The following AASDHPPT variants were observed in gnomAD, a reference collection of about 807,000 sequenced individuals.
The protein encoded by AASDHPPT is L-aminoadipate-semialdehyde dehydrogenase-phosphopantetheinyl transferase.
Under a neutral mutation model 36.4 loss-of-function variants are expected in AASDHPPT, and 23 were observed. That is an observed-to-expected ratio of 0.63 (90% confidence interval 0.45 to 0.89). The LOEUF (loss-of-function observed/expected upper bound fraction) is 0.89. Ranked by LOEUF, AASDHPPT falls within the 40% of genes least tolerant of loss-of-function variation. AASDHPPT has a pLI of 0.00. For missense variants in AASDHPPT, 377 were observed against 378.2 expected, an observed-to-expected ratio of 1.00 and a Z score of 0.03; for synonymous variants, 115 against 128.0, an observed-to-expected ratio of 0.90 and a Z score of 0.68.
At chr11:106,095,736 T>A (rs1861305834) in intron 5 of AASDHPPT, 2 of 152,318 alleles carry the variant, frequency 1.3e-5, no homozygotes, top group South Asian at 4.1e-4. Context: ...TTACGAGTTC[T>A]CCATAGATTA....
chr11:106,087,210 G>A (rs1861206404), intron 2 of AASDHPPT, among the ~76,000 whole-genome samples: 1 of 152,150 alleles, frequency 6.6e-6, no homozygotes, highest in Non-Finnish European at 1.5e-5. Flanking sequence ...CATGCAAGAA[G>A]CTTTGTGCAT....
Position 106,090,614 on chromosome 11 carries a change from A to C in AASDHPPT, c.467A>C (p.Glu156Ala). ...ATGAAAAGAAAGTTTACCAACAAAG[A>C]ATGGGAAACAATCAGAAGCTTTAAG... Reference protein sequence around the residue: ...HIMKRKFTNKEWETIRSFKDE... With the variant: ...HIMKRKFTNKAWETIRSFKDE... Residue 156 changes from glutamate to alanine, a missense_variant, in exon 3 of 6, where the codon GAA becomes GCA. Physicochemically the swap from Glu to Ala is moderately radical, Grantham distance 107 (BLOSUM62 -1). Transcript: ENST00000278618. 1 of 1,603,286 alleles carries C rather than the reference A, an allele frequency of 6.2e-7. No homozygotes were observed. The highest frequency in any genetic ancestry group is 8.5e-7 in the Non-Finnish European group (1 of 1,175,876).
intron 2 of AASDHPPT, chr11:106,086,064 G>A (rs773697060): frequency 4.6e-5 from 7 of 152,214 alleles, no homozygotes; most frequent in Non-Finnish European, 5.9e-5. Flanking sequence ...AAGGGTACGC[G>A]AATGTGTGTG....
rs1861245721 is a variant in AASDHPPT, at chr11:106,090,602, T to G, written c.455T>G (p.Phe152Cys). 1 of 1,600,460 alleles carries G rather than the reference T, an allele frequency of 6.2e-7. No individual in the cohort carries two copies. The highest frequency in any genetic ancestry group is 8.5e-7 in the Non-Finnish European group (1 of 1,175,444). Reference sequence around the variant, plus strand: ...TTCTTTCATATTATGAAAAGAAAGTTTACCAACAAAGAATGGGAAACAATC... The same window carrying G: ...TTCTTTCATATTATGAAAAGAAAGTGTACCAACAAAGAATGGGAAACAATC... ...PEFFHIMKRK[F>C]TNKEWETIRS... Residue 152 changes from phenylalanine (F) to cysteine (C), a missense_variant, in exon 3 of 6, where the codon TTT becomes TGT. Transcript: ENST00000278618.
rs1565409386 is a variant in AASDHPPT at position 106,079,502 on chromosome 11, GAA to G, written c.221_222del (p.Lys74IlefsTer34). 6.2e-7 allele frequency: 1 copy of G among 1,613,370 alleles called. No homozygotes were observed. On this transcript the variant is annotated frameshift_variant, in exon 2 of 6. Transcript: ENST00000278618. LOFTEE classifies it high-confidence loss of function. ...RLMIRKLVAE[K>X]LNIPWNHIRL... ...TGATGATAAGGAAATTAGTTGCAGA[GAA>G]ATTGAATATCCCTTGGAATCATATT...
intron 1 of AASDHPPT, 133 bp downstream of exon 1, chr11:106,078,026 A>G (rs1861082746): frequency 1.7e-6 from 2 of 1,196,818 alleles, no homozygotes. Flanking sequence ...GGCCCGGGCG[A>G]CAGCAGCCGG....
intron 2 of AASDHPPT, among the ~76,000 whole-genome samples, chr11:106,081,624 C>T (rs1861142356): frequency 8.7e-6 from 1 of 115,214 alleles, no homozygotes; most frequent in Non-Finnish European, 1.6e-5. Flanking sequence ...AGCACAACTA[C>T]CTGGTAATAA....
At chr11:106,084,389 T>A (rs1286617789) in intron 2 of AASDHPPT, among the ~76,000 whole-genome samples, 1 of 152,178 alleles carries the variant, frequency 6.6e-6, no homozygotes, top group East Asian at 1.9e-4. Flanking sequence ...GTGGATGCAT[T>A]CTGCAGATAA....
At chr11:106,079,006 T>C (rs1214117662) in intron 1 of AASDHPPT, among the ~76,000 whole-genome samples, 1 of 152,162 alleles carries the variant, frequency 6.6e-6, no homozygotes, top group East Asian at 1.9e-4. Flanking sequence ...AGAGCCAGCC[T>C]AAAATGTCCA....
intron 1 of AASDHPPT, among the ~76,000 whole-genome samples, chr11:106,078,698 C>T (rs1861095749): frequency 6.6e-6 from 1 of 151,968 alleles, no homozygotes; most frequent in African/African-American, 2.4e-5. Context: ...GTAAAATAAG[C>T]TACATTTAAA....
At position 106,091,518 on chromosome 11, in the gene AASDHPPT, T is replaced by A. The variant is rs1016887438; in HGVS notation, c.693+41T>A. 2.9e-5 allele frequency: 45 copies of A among 1,530,102 alleles called. No homozygotes were observed. In the East Asian group the frequency reaches 1.0e-3, roughly 35 times the overall value. 94.8% of individuals were successfully genotyped at this position (1,530,102 alleles called of 1,614,324 possible). Reference sequence around the variant, plus strand: ...GAATTGTTAAAACTAAGAATTTCTATTTTTTATGCATGTATGTGTGATTAA... The same window carrying A: ...GAATTGTTAAAACTAAGAATTTCTAATTTTTATGCATGTATGTGTGATTAA... On this transcript the variant is annotated intron_variant, in intron 4 of 5. Coordinates refer to ENST00000278618, the MANE Select transcript of AASDHPPT (RefSeq NM_015423.3).
chr11:106,086,927 A>G (rs929172030), intron 2 of AASDHPPT, among the ~76,000 whole-genome samples: 4 of 152,216 alleles, frequency 2.6e-5, no homozygotes. Context: ...TGAAAATAAA[A>G]GGCTTCATGC....
chr11:106,079,476 C>G lies in AASDHPPT; in HGVS notation c.193C>G (p.Leu65Val). The change falls in exon 2 of 6, where the codon CTG (leucine) becomes GTG (valine). Residue 65 changes from leucine to valine, a missense_variant. By Grantham distance (32) the Leu-to-Val change is conservative. Coordinates refer to ENST00000278618, the MANE Select transcript of AASDHPPT (RefSeq NM_015423.3). ...TTTATGTACTTAACAGGCTGGTCGT[C>G]TGATGATAAGGAAATTAGTTGCAGA... ...RDAKAAMAGR[L>V]MIRKLVAEKL... The G allele has an allele frequency of 6.2e-7, 1 of 1,607,662 alleles. No homozygotes were observed. Among genetic ancestry groups the G allele is most frequent in the Non-Finnish European group, 8.5e-7 (1 of 1,176,248 alleles).
At chr11:106,080,796 G>C (rs763287017) in intron 2 of AASDHPPT, among the ~76,000 whole-genome samples, 1 of 152,092 alleles carries the variant, frequency 6.6e-6, no homozygotes, top group Non-Finnish European at 1.5e-5. Context: ...TGAATATGTG[G>C]CTCTCTCAGT....
chr11:106,091,526 G>A (rs766907368), intron 4 of AASDHPPT, 49 bp downstream of exon 4: 241 of 1,498,794 alleles, frequency 1.6e-4, no homozygotes, highest in Non-Finnish European at 1.9e-4. Context: ...TATTTTTTAT[G>A]CATGTATGTG....
intron 1 of AASDHPPT, 131 bp downstream of exon 1, chr11:106,078,024 C>T: frequency 3.4e-6 from 4 of 1,191,064 alleles, no homozygotes; most frequent in Non-Finnish European, 4.6e-6. Flanking sequence ...CCGGCCCGGG[C>T]GACAGCAGCC....
At chr11:106,084,861 C>T (rs1042797477) in intron 2 of AASDHPPT, among the ~76,000 whole-genome samples, 4 of 152,038 alleles carry the variant, frequency 2.6e-5, no homozygotes, top group Admixed American at 6.5e-5. Flanking sequence ...GTGAACTGCC[C>T]GCCTTGGCCT....
In AASDHPPT at chr11:106,079,582, A is replaced by G. The variant is rs773897361; in HGVS notation, c.299A>G (p.Asn100Ser). 5 of 1,614,026 alleles carry G rather than the reference A, an allele frequency of 3.1e-6. No homozygotes were observed. Among genetic ancestry groups the G allele is most frequent in the Admixed American group, 1.7e-5 (1 of 60,004 alleles). ...GKPVLAKDSS[N>S]PYPNFNFNIS... ...CCAGTTCTTGCAAAGGACTCATCGAATCCTTACCCGAATTTCAACTTTAAC... is the reference window on the plus strand; with the variant it reads ...CCAGTTCTTGCAAAGGACTCATCGAGTCCTTACCCGAATTTCAACTTTAAC... The change falls in exon 2 of 6, where the codon AAT (asparagine) becomes AGT (serine). Residue 100 changes from asparagine (N) to serine (S), a missense_variant. Transcript: ENST00000278618.
chr11:106,090,523 ACTG>A (rs1238107361), intron 2 of AASDHPPT, 31 bp from the exon 3 acceptor site: 23 of 1,520,138 alleles, frequency 1.5e-5, no homozygotes, highest in Non-Finnish European at 1.8e-5. Context: ...TTTTAATAGA[ACTG>A]CTATTTAATT....
Sources: gnomAD v4.1 joint callset for allele counts (sites outside exome capture counted in the v4.1 genomes callset) on GRCh38, gnomAD v4.1.1 for gene constraint, MANE v1.5 for transcripts, NCBI Gene and HGNC (gene_info 2026-07-23, HGNC 2026-07-21) for gene names.